The following OPHN1 variants were observed in gnomAD, a reference collection of about 807,000 sequenced individuals.
OPHN1 encodes the protein oligophrenin 1.
In OPHN1, 11 loss-of-function variants were observed where a neutral mutation model predicts 60.7. The observed-to-expected ratio is 0.18, with a 90% CI of 0.11 to 0.30. OPHN1 has a LOEUF of 0.30. Among genes scored for constraint, OPHN1 ranks in the 10% least tolerant of loss-of-function variants. OPHN1 has a pLI of 1.00. For missense variants in OPHN1, 449 were observed against 611.0 expected, an observed-to-expected ratio of 0.73 and a Z score of 2.80; for synonymous variants, 226 against 222.6, an observed-to-expected ratio of 1.02 and a Z score of -0.14.
chrX:68,077,572 TATG>T (rs2147376077), intron 19 of OPHN1, among the ~76,000 whole-genome samples: 1 of 112,096 alleles, frequency 8.9e-6, no homozygotes, highest in African/African-American at 3.2e-5. Context: ...GTATATATAG[TATG>T]ATGTCATTAT....
chrX:68,201,836 C>A, intron 10 of OPHN1, 126 bp from the exon 11 acceptor site: 1 of 543,910 alleles, frequency 1.8e-6, no homozygotes. Flanking sequence ...AATGTGTAGA[C>A]TCACTGAGAA....
At chrX:68,425,228 A>T (rs2078848029) in intron 2 of OPHN1, among the ~76,000 whole-genome samples, 1 of 111,844 alleles carries the variant, frequency 8.9e-6, no homozygotes, top group Admixed American at 9.6e-5. Context: ...CAATGAGAGG[A>T]TAGTCAAGTA....
chrX:68,299,381 A>G (rs985920566), intron 2 of OPHN1, among the ~76,000 whole-genome samples: 12 of 112,066 alleles, frequency 1.1e-4, no homozygotes, highest in Non-Finnish European at 2.1e-4. Context: ...CACTCAAAGC[A>G]TGGAAGACAT....
chrX:68,426,396 G>A (rs1358810082), intron 2 of OPHN1, among the ~76,000 whole-genome samples: 4 of 106,188 alleles, frequency 3.8e-5, no homozygotes, highest in African/African-American at 1.3e-4. Context: ...AGCCGAGATG[G>A]CACCACTGTA....
rs773484700 is a variant in OPHN1 at position 68,226,759 on chromosome X, C to G, written c.486+7728G>C. Among the ~76,000 whole-genome samples the G allele has an allele frequency of 2.0e-3, 225 of 111,525 alleles. 3 individuals carry two copies. Among genetic ancestry groups the G allele is most frequent in the South Asian group, 0.013 (35 of 2,618 alleles). On this transcript the variant is annotated intron_variant, in intron 6 of 24. Coordinates refer to ENST00000355520, the MANE Select transcript of OPHN1 (RefSeq NM_002547.3). ...TAAACATGGAAAGGAACAACCAGTA[C>G]CAGCCACTGCAAAGACATGCCAAAT... is the stretch of plus-strand genomic sequence containing the variant.
chrX:68,083,130 T>A (rs2076981319), intron 19 of OPHN1, among the ~76,000 whole-genome samples: 1 of 83,797 alleles, frequency 1.2e-5, no homozygotes, highest in Non-Finnish European at 2.2e-5. Context: ...CGGACTGCAG[T>A]GGCGCAATCT....
intron 2 of OPHN1, among the ~76,000 whole-genome samples, chrX:68,390,528 G>A (rs893983845): frequency 4.5e-5 from 5 of 111,701 alleles, no homozygotes; most frequent in Non-Finnish European, 7.5e-5. Context: ...GAGCCCAGGA[G>A]GTCGAGGCTG....
At chrX:68,253,227 T>C (rs1187266902) in intron 5 of OPHN1, among the ~76,000 whole-genome samples, 2 of 111,514 alleles carry the variant, frequency 1.8e-5, no homozygotes, top group Admixed American at 9.6e-5. Flanking sequence ...TATAGTTCAT[T>C]ATCCTCATTT....
chrX:68,210,810 A>C lies in OPHN1; in HGVS notation c.703-528T>G, dbSNP rs141969823. 2.6e-3 allele frequency among the ~76,000 whole-genome samples: 289 copies of C among 111,886 alleles called. 1 individual carries two copies. The highest frequency in any genetic ancestry group is 7.2e-3 in the Admixed American group (75 of 10,482). ...ATACCAAAACCTAATGATGAGAATAAATCTATTTAAATCTACACAACTAAA... is the reference window on the plus strand; with the variant it reads ...ATACCAAAACCTAATGATGAGAATACATCTATTTAAATCTACACAACTAAA... On this transcript the variant is annotated intron_variant, in intron 8 of 24. Coordinates refer to ENST00000355520, the MANE Select transcript of OPHN1 (RefSeq NM_002547.3).
At chrX:68,401,554 A>G (rs927752024) in intron 2 of OPHN1, among the ~76,000 whole-genome samples, 2 of 112,486 alleles carry the variant, frequency 1.8e-5, no homozygotes, top group Non-Finnish European at 3.7e-5. Context: ...CTAAGAGACA[A>G]CTTTTATCTT....
chrX:68,292,297 A>C (rs1430736416), intron 3 of OPHN1, among the ~76,000 whole-genome samples: 1 of 111,778 alleles, frequency 8.9e-6, no homozygotes, highest in African/African-American at 3.2e-5. Context: ...TTATGTCTGA[A>C]GACTTTTTTC....
chrX:68,086,729 G>T (rs1470820590), intron 19 of OPHN1, among the ~76,000 whole-genome samples: 1 of 111,839 alleles, frequency 8.9e-6, no homozygotes, highest in Non-Finnish European at 1.9e-5. Flanking sequence ...ACTTGACAGG[G>T]TATAGGCCTT....
chrX:68,044,333 C>A lies in OPHN1; in HGVS notation c.*2839G>T, dbSNP rs759397004. On this transcript the variant is annotated 3_prime_UTR_variant, in exon 25 of 25. Coordinates refer to ENST00000355520, the MANE Select transcript of OPHN1 (RefSeq NM_002547.3). ...AAATCACAGTCCTTTTATTTACTTTCTATGTGCCCTTGAGTTGTTTACTTT... is the reference window on the plus strand; with the variant it reads ...AAATCACAGTCCTTTTATTTACTTTATATGTGCCCTTGAGTTGTTTACTTT... 1 of 112,750 alleles carries A rather than the reference C, an allele frequency of 8.9e-6. No homozygotes were observed. The highest frequency in any genetic ancestry group is 2.8e-4 in the East Asian group (1 of 3,576). The allele number at this position is 112,750 out of a possible 1,213,427, so 9.3% of individuals were successfully genotyped here.
intron 2 of OPHN1, among the ~76,000 whole-genome samples, chrX:68,422,090 T>C (rs1438480122): frequency 9.0e-6 from 1 of 110,907 alleles, no homozygotes; most frequent in African/African-American, 3.3e-5. Context: ...GCTAGATTGC[T>C]CAACAGGGAA....
chrX:68,100,937 G>A (rs1425196099), intron 18 of OPHN1, among the ~76,000 whole-genome samples: 1 of 110,001 alleles, frequency 9.1e-6, no homozygotes, highest in African/African-American at 3.3e-5. Flanking sequence ...TAGTAGAGAT[G>A]GGGTTTCACC....
At chrX:68,083,119 G>A (rs2076981212) in intron 19 of OPHN1, among the ~76,000 whole-genome samples, 1 of 76,297 alleles carries the variant, frequency 1.3e-5, no homozygotes, top group Non-Finnish European at 2.3e-5. Flanking sequence ...AGGCCGGACT[G>A]CGGACTGCAG....
At chrX:68,417,426 C>G (rs773062819) in intron 2 of OPHN1, among the ~76,000 whole-genome samples, 1 of 112,144 alleles carries the variant, frequency 8.9e-6, no homozygotes, top group African/African-American at 3.2e-5. Flanking sequence ...CTCTCTTCTG[C>G]CCAGGACTTC....
intron 15 of OPHN1, among the ~76,000 whole-genome samples, chrX:68,142,389 G>T (rs1296215075): frequency 8.9e-6 from 1 of 112,243 alleles, no homozygotes; most frequent in Non-Finnish European, 1.9e-5. Flanking sequence ...TAGTTAAAAA[G>T]AATGACTTTT....
intron 2 of OPHN1, among the ~76,000 whole-genome samples, chrX:68,322,469 C>T (rs2078240160): frequency 8.9e-6 from 1 of 111,819 alleles, no homozygotes; most frequent in Non-Finnish European, 1.9e-5. Flanking sequence ...ATGATACATC[C>T]ATGCCATGGA....
Sources: gnomAD v4.1 joint callset for allele counts (sites outside exome capture counted in the v4.1 genomes callset) on GRCh38, gnomAD v4.1.1 for gene constraint, MANE v1.5 for transcripts, NCBI Gene and HGNC (gene_info 2026-07-23, HGNC 2026-07-21) for gene names.